Variants in PDE4D observed in about 807,000 individuals in gnomAD.
PDE4D encodes 3',5'-cyclic-AMP phosphodiesterase 4D.
Under a neutral mutation model 87.4 loss-of-function variants are expected in PDE4D, and 24 were observed. That is an observed-to-expected ratio of 0.27 (90% confidence interval 0.20 to 0.39). The LOEUF (loss-of-function observed/expected upper bound fraction) is 0.39. PDE4D is among the 10% of genes least tolerant of loss of function. The pLI, the probability that PDE4D is intolerant of heterozygous loss-of-function variation, is 1.00. For missense variants in PDE4D, 714 were observed against 1,041.0 expected, an observed-to-expected ratio of 0.69 and a Z score of 4.32; for synonymous variants, 384 against 383.2, an observed-to-expected ratio of 1.00 and a Z score of -0.02.
At chr5:59,444,727 G>T (rs538022643) in intron 1 of PDE4D, among the ~76,000 whole-genome samples, 1 of 152,092 alleles carries the variant, frequency 6.6e-6, no homozygotes, top group East Asian at 1.9e-4. Flanking sequence ...CAGGAGAATG[G>T]CATGAACCTG....
intron 3 of PDE4D, among the ~76,000 whole-genome samples, chr5:59,913,991 T>C (rs185518222): frequency 1.7e-4 from 26 of 152,272 alleles, no homozygotes; most frequent in Admixed American, 3.9e-4. Context: ...CCTTCTTAAA[T>C]ATGGTTTAAG....
At chr5:59,148,713 CT>C (rs1188009246) in intron 5 of PDE4D, among the ~76,000 whole-genome samples, 3 of 151,034 alleles carry the variant, frequency 2.0e-5, no homozygotes, top group Admixed American at 6.6e-5. Context: ...CAATAAAGAT[CT>C]ACTGGAAATA....
chr5:60,460,008 G>T, intron 1 of PDE4D: 2 of 1,081,990 alleles, frequency 1.8e-6, no homozygotes, highest in East Asian at 2.4e-5. Context: ...CATCCATATC[G>T]GGAACCAAGT....
intron 1 of PDE4D, among the ~76,000 whole-genome samples, chr5:60,352,956 T>A (rs929515227): frequency 6.6e-6 from 1 of 152,210 alleles, no homozygotes. Context: ...TGTGTTCCAA[T>A]GGGATATTGA....
intron 2 of PDE4D, among the ~76,000 whole-genome samples, chr5:60,143,970 T>C (rs986445033): frequency 6.6e-6 from 1 of 152,172 alleles, no homozygotes; most frequent in Non-Finnish European, 1.5e-5. Flanking sequence ...ACTTTGCTTA[T>C]TCTTTTCGCT....
At chr5:60,333,667 A>G (rs986085370) in intron 1 of PDE4D, among the ~76,000 whole-genome samples, 4 of 152,140 alleles carry the variant, frequency 2.6e-5, no homozygotes, top group African/African-American at 9.7e-5. Context: ...CCTGTCAATC[A>G]CGCCCCAAAC....
At chr5:60,176,755 G>A (rs1314192470) in intron 2 of PDE4D, among the ~76,000 whole-genome samples, 1 of 152,126 alleles carries the variant, frequency 6.6e-6, no homozygotes, top group Non-Finnish European at 1.5e-5. Flanking sequence ...CAAAAGACTG[G>A]TTAAGGTCTG....
chr5:59,268,481 C>T (rs1007373377), intron 1 of PDE4D, among the ~76,000 whole-genome samples: 1 of 152,028 alleles, frequency 6.6e-6, no homozygotes, highest in Non-Finnish European at 1.5e-5. Context: ...CATTGTGCCC[C>T]ATGTGGTACC....
rs368015350 is a variant in PDE4D at position 60,300,858 on chromosome 5, C to A, written c.-89-115171G>T. Among the ~76,000 whole-genome samples the A allele has an allele frequency of 1.1e-3, 171 of 152,196 alleles. 5 individuals are homozygous for A. In the South Asian group the frequency reaches 0.034, roughly 30 times the overall value. On this transcript the variant is annotated intron_variant, in intron 1 of 16. Transcript: ENST00000502484. ...CACGATCTCAGCTCTGCAACCTCCA[C>A]CTCCCAGGTTCAAGCAATTCTTCTG...
chr5:59,068,846 C>A (rs1406553267), intron 5 of PDE4D, among the ~76,000 whole-genome samples: 1 of 152,110 alleles, frequency 6.6e-6, no homozygotes. Context: ...AACTACCTCG[C>A]TCATCTAATG....
At chr5:59,520,775 T>G (rs1347807554) in intron 1 of PDE4D, among the ~76,000 whole-genome samples, 1 of 152,180 alleles carries the variant, frequency 6.6e-6, no homozygotes, top group Non-Finnish European at 1.5e-5. Flanking sequence ...CAACTATCAA[T>G]TCACTGAATA....
At chr5:60,292,055 G>C (rs1041372976) in intron 1 of PDE4D, among the ~76,000 whole-genome samples, 1 of 151,980 alleles carries the variant, frequency 6.6e-6, no homozygotes, top group Admixed American at 6.6e-5. Context: ...TAGATATAAC[G>C]TCAGACTCTG....
At chr5:59,404,214 T>G (rs1791201686) in intron 1 of PDE4D, among the ~76,000 whole-genome samples, 1 of 152,212 alleles carries the variant, frequency 6.6e-6, no homozygotes, top group Non-Finnish European at 1.5e-5. Flanking sequence ...CCTTGTCAGA[T>G]GGATAGTTTG....
intron 1 of PDE4D, among the ~76,000 whole-genome samples, chr5:59,776,792 C>T (rs975987962): frequency 3.3e-5 from 5 of 151,954 alleles, no homozygotes; most frequent in African/African-American, 1.2e-4. Flanking sequence ...AGAGGAACCT[C>T]TCCACTCACA....
At chr5:59,855,285 G>T (rs1405183131) in intron 1 of PDE4D, among the ~76,000 whole-genome samples, 7 of 152,100 alleles carry the variant, frequency 4.6e-5, no homozygotes, top group African/African-American at 1.4e-4. Flanking sequence ...CAACACATGT[G>T]TGCTTGTACT....
intron 2 of PDE4D, among the ~76,000 whole-genome samples, chr5:60,040,349 T>C (rs994383999): frequency 6.6e-6 from 1 of 152,210 alleles, no homozygotes; most frequent in Non-Finnish European, 1.5e-5. Flanking sequence ...GCTGTGATTA[T>C]CTGCCTCTAC....
chr5:60,196,399 A>T (rs1741222424), intron 1 of PDE4D, among the ~76,000 whole-genome samples: 1 of 151,792 alleles, frequency 6.6e-6, no homozygotes, highest in Non-Finnish European at 1.5e-5. Context: ...GCTTGATAAT[A>T]CTTTGCTTTG....
At chr5:59,341,360 T>C (rs1163602437) in intron 1 of PDE4D, among the ~76,000 whole-genome samples, 1 of 152,204 alleles carries the variant, frequency 6.6e-6, no homozygotes, top group Admixed American at 6.5e-5. Flanking sequence ...AGAGCTCCGT[T>C]GTACTTTGGA....
intron 2 of PDE4D, among the ~76,000 whole-genome samples, chr5:60,090,590 T>C (rs1252713481): frequency 6.6e-6 from 1 of 152,064 alleles, no homozygotes. Context: ...TGGGGAAAAA[T>C]GGAAATTCTT....
Sources: allele counts gnomAD v4.1 joint callset (sites outside exome capture counted in the v4.1 genomes callset), GRCh38; gene constraint gnomAD v4.1.1; transcripts MANE v1.5; gene names NCBI Gene and HGNC (gene_info 2026-07-23, HGNC 2026-07-21).